The following ABR variants were observed in gnomAD, a reference collection of about 807,000 sequenced individuals.
The protein encoded by ABR is active breakpoint cluster region-related protein.
A neutral mutation model predicts 107.2 loss-of-function variants in ABR; 35 were observed. That is an observed-to-expected ratio of 0.33 (90% CI 0.25 to 0.43). The LOEUF (loss-of-function observed/expected upper bound fraction) is 0.43, where lower values mean the gene tolerates loss of function less well. Among genes scored for constraint, ABR ranks in the 20% least tolerant of loss-of-function variants. The pLI, the probability that ABR is intolerant of heterozygous loss-of-function variation, is 1.00. For synonymous variants in ABR, 498 were observed against 462.0 expected (o/e 1.08, Z -1.00); for missense variants, 815 against 1,115.2 (o/e 0.73, Z 3.83).
upstream of ABR, among the ~76,000 whole-genome samples, chr17:1,184,520 TG>T: frequency 6.6e-6 from 1 of 152,264 alleles, no homozygotes; most frequent in South Asian, 2.1e-4. Context: ...CTCAGCGCAG[TG>T]GGTGAACAAG....
intron 2 of ABR, chr17:1,108,833 C>T (rs1363058155): frequency 1.5e-6 from 2 of 1,358,454 alleles, no homozygotes; most frequent in East Asian, 6.1e-5. Context: ...AGGGCTTCCA[C>T]CCGGCCGCGC....
intron 16 of ABR, among the ~76,000 whole-genome samples, chr17:1,044,348 G>A (rs1485732975): frequency 3.3e-5 from 5 of 152,124 alleles, no homozygotes; most frequent in African/African-American, 1.2e-4. Flanking sequence ...TGGATTAAAC[G>A]CCCTCTAAGA....
rs2040653159 is a variant in ABR at position 1,148,582 on chromosome 17, C to T, written c.62-23215G>A. The stretch of plus-strand genomic sequence containing the variant: ...AAGCGTCACCCCCTGAACCCCACTT[C>T]CCATCCGAGCAGCAGCGGCATTAGG... On this transcript the variant is annotated intron_variant, in intron 1 of 22. Transcript: ENST00000302538. This position sits in a 1 kb window ranked among gnomAD's most constrained non-coding sequence, Gnocchi z 4.9. 6.6e-6 allele frequency among the ~76,000 whole-genome samples: 1 copy of T among 152,220 alleles called. No homozygotes were observed. The highest frequency in any genetic ancestry group is 1.9e-4 in the East Asian group (1 of 5,184).
At chr17:1,139,251 C>T (rs937288662) in intron 1 of ABR, among the ~76,000 whole-genome samples, 1 of 151,818 alleles carries the variant, frequency 6.6e-6, no homozygotes, top group Non-Finnish European at 1.5e-5. Context: ...TTTTTTTGTT[C>T]CTTTGTTTTT....
chr17:1,193,184 G>A (rs1162087010), intron 1 of ABR, among the ~76,000 whole-genome samples: 1 of 152,080 alleles, frequency 6.6e-6, no homozygotes, highest in African/African-American at 2.4e-5. Context: ...CTAATCTAAC[G>A]TGTGGCCTCA....
intron 1 of ABR, among the ~76,000 whole-genome samples, chr17:1,152,392 C>T (rs539025799): frequency 6.6e-6 from 1 of 151,486 alleles, no homozygotes; most frequent in East Asian, 2.0e-4. Flanking sequence ...GAGTTTGAGA[C>T]CAGCCTGGTC....
intron 16 of ABR, among the ~76,000 whole-genome samples, chr17:1,016,554 G>A (rs1043925141): frequency 7.2e-5 from 11 of 152,090 alleles, no homozygotes; most frequent in Admixed American, 1.3e-4. Flanking sequence ...GACCTCAGGC[G>A]ATCCACCTGC....
upstream of ABR, among the ~76,000 whole-genome samples, chr17:1,182,505 C>T (rs1483833218): frequency 3.9e-5 from 6 of 152,102 alleles, no homozygotes; most frequent in African/African-American, 1.4e-4. Context: ...GTAGCTGGGA[C>T]TACAGGCACG....
chr17:1,067,932 T>A (rs184261729), intron 9 of ABR, among the ~76,000 whole-genome samples: 167 of 152,348 alleles, frequency 1.1e-3, no homozygotes, highest in African/African-American at 3.8e-3. Context: ...TATTATTTTT[T>A]AAATTATTTT....
At chr17:1,023,420 T>G (rs955493831) in intron 16 of ABR, among the ~76,000 whole-genome samples, 16 of 152,208 alleles carry the variant, frequency 1.1e-4, no homozygotes, top group African/African-American at 3.1e-4. Flanking sequence ...AGGCTTCAGC[T>G]TCAGCTCAGA....
rs1465327980 is a variant in ABR at position 1,078,507 on chromosome 17, C to T, written c.700+823G>A. ...TACGTCTGCGGGCACAGCTCGTCGC[C>T]GTCTCTCCCTAACAGCCCCTCCAGG... On this transcript the variant is annotated intron_variant, in intron 6 of 22. Transcript: ENST00000302538. The surrounding 1 kb of genome is among the most constrained non-coding windows in gnomAD (Gnocchi z 7.5). Among the ~76,000 whole-genome samples the T allele has an allele frequency of 2.6e-5, 4 of 152,140 alleles. No homozygotes were observed. The highest frequency in any genetic ancestry group is 4.4e-5 in the Non-Finnish European group (3 of 68,028).
chr17:1,031,909 C>G lies in ABR; in HGVS notation c.1791+18141G>C, dbSNP rs1238421177. On this transcript the variant is annotated intron_variant, in intron 16 of 22. Coordinates refer to ENST00000302538, the MANE Select transcript of ABR (RefSeq NM_021962.5). ...CTCCCTCCCTCCGTCCGCGTCCCTC[C>G]TCCCTCCTCCCTCCTCCGCATCCCT... 8.5e-6 allele frequency: 9 copies of G among 1,054,104 alleles called. No individual in the cohort carries two copies. The African/African-American group carries it at 1.2e-4, about 14-fold the overall frequency. 65.3% of individuals were successfully genotyped at this position (1,054,104 alleles called of 1,614,324 possible). A position where few individuals can be genotyped will look rare whatever the true frequency, so the allele number is the denominator to read the frequency against.
upstream of ABR, among the ~76,000 whole-genome samples, chr17:1,187,664 C>T (rs561304843): frequency 2.0e-4 from 31 of 152,062 alleles, no homozygotes; most frequent in Admixed American, 5.9e-4. Flanking sequence ...CCAGTGTGGG[C>T]GGATCAGCTG....
At chr17:1,129,308 C>T (rs564831662) in intron 1 of ABR, among the ~76,000 whole-genome samples, 5 of 152,142 alleles carry the variant, frequency 3.3e-5, no homozygotes, top group Admixed American at 1.3e-4. Context: ...GAGGCCGAGG[C>T]GGGCGGATCA....
intron 1 of ABR, among the ~76,000 whole-genome samples, chr17:1,158,544 C>T (rs866413943): frequency 3.3e-5 from 5 of 151,878 alleles, no homozygotes; most frequent in African/African-American, 1.2e-4. Flanking sequence ...AGGCAGATCG[C>T]CTGAGGTCAG....
At chr17:1,183,344 G>A (rs992419881), upstream of ABR, among the ~76,000 whole-genome samples, 2 of 151,988 alleles carry the variant, frequency 1.3e-5, no homozygotes, top group Admixed American at 6.6e-5. Context: ...GACTGTCTGC[G>A]GCTCTCCAAC....
chr17:1,187,936 C>T (rs1022169610), upstream of ABR, among the ~76,000 whole-genome samples: 3 of 151,816 alleles, frequency 2.0e-5, no homozygotes, highest in East Asian at 5.8e-4. Context: ...TCAAATTGGG[C>T]CGGGCACAGA....
At chr17:1,036,987 C>G (rs1290399801) in intron 16 of ABR, among the ~76,000 whole-genome samples, 1 of 151,680 alleles carries the variant, frequency 6.6e-6, no homozygotes, top group Non-Finnish European at 1.5e-5. Context: ...TTCTTTCTTT[C>G]CTTCCTTCCA....
At chr17:1,106,106 A>C (rs1487571328) in intron 2 of ABR, among the ~76,000 whole-genome samples, 1 of 152,176 alleles carries the variant, frequency 6.6e-6, no homozygotes, top group Admixed American at 6.6e-5. Context: ...ACAGATCAAT[A>C]ACTCTTCAAA....
Sources: gnomAD v4.1 joint callset for allele counts (sites outside exome capture counted in the v4.1 genomes callset) on GRCh38, gnomAD v4.1.1 for gene constraint, Gnocchi (gnomAD v3.1) non-coding constraint, MANE v1.5 for transcripts, NCBI Gene and HGNC (gene_info 2026-07-23, HGNC 2026-07-21) for gene names.